The following MARCHF1 variants were observed in gnomAD, a reference collection of about 807,000 sequenced individuals.
MARCHF1 encodes the protein E3 ubiquitin-protein ligase MARCHF1.
Under a neutral mutation model 54.2 loss-of-function variants are expected in MARCHF1, and 40 were observed. The observed-to-expected ratio is 0.74, with a 90% CI of 0.57 to 0.96. The LOEUF (loss-of-function observed/expected upper bound fraction) is 0.96. MARCHF1 is among the 40% of genes least tolerant of loss of function. MARCHF1 has a pLI of 0.00. For missense variants in MARCHF1, 586 were observed against 656.5 expected, an observed-to-expected ratio of 0.89 and a Z score of 1.17; for synonymous variants, 236 against 236.3, an observed-to-expected ratio of 1.00 and a Z score of 0.01.
At chr4:164,209,215 A>C (rs1413075422) in intron 1 of MARCHF1, among the ~76,000 whole-genome samples, 5 of 152,122 alleles carry the variant, frequency 3.3e-5, no homozygotes, top group African/African-American at 4.8e-5. Context: ...TCAATCAAGA[A>C]AAAAATATGA....
chr4:163,636,729 C>G lies in MARCHF1; in HGVS notation c.163-23336G>C, dbSNP rs1329479073. On this transcript the variant is annotated intron_variant, in intron 5 of 9. Transcript: ENST00000514618. Reference sequence around the variant, plus strand: ...CAAGCTACCAATGCCTTTCTTCACACAATTGGAAAAAACTACTTTAAAGTT... The same window carrying G: ...CAAGCTACCAATGCCTTTCTTCACAGAATTGGAAAAAACTACTTTAAAGTT... 2.0e-3 allele frequency among the ~76,000 whole-genome samples: 309 copies of G among 152,002 alleles called. 2 individuals are homozygous for G. Among genetic ancestry groups the G allele is most frequent in the African/African-American group, 6.9e-3 (288 of 41,456 alleles).
chr4:163,892,364 T>C (rs534645649), intron 3 of MARCHF1, among the ~76,000 whole-genome samples: 2 of 152,166 alleles, frequency 1.3e-5, no homozygotes, highest in Non-Finnish European at 2.9e-5. Flanking sequence ...GCTGCTCTGT[T>C]TGAAGCGGAA....
intron 4 of MARCHF1, among the ~76,000 whole-genome samples, chr4:163,710,835 T>C (rs973841400): frequency 6.6e-6 from 1 of 152,188 alleles, no homozygotes; most frequent in Non-Finnish European, 1.5e-5. Flanking sequence ...CAGAAGGTGA[T>C]GATTTTACTT....
chr4:163,915,122 T>TG (rs1356178160), intron 3 of MARCHF1, among the ~76,000 whole-genome samples: 1 of 152,190 alleles, frequency 6.6e-6, no homozygotes, highest in Non-Finnish European at 1.5e-5. Context: ...AACCACCTCT[T>TG]GCTCTTATGT....
intron 4 of MARCHF1, among the ~76,000 whole-genome samples, chr4:163,735,199 CT>C (rs1746000620): frequency 6.6e-6 from 1 of 152,176 alleles, no homozygotes; most frequent in Admixed American, 6.5e-5. Flanking sequence ...TCCTCACACA[CT>C]TAGGACATGT....
rs775211395 is a variant in MARCHF1 at position 163,840,888 on chromosome 4, G to A, written c.111+13133C>T. 3.9e-5 allele frequency among the ~76,000 whole-genome samples: 6 copies of A among 151,928 alleles called. No individual in the cohort carries two copies. In the South Asian group the frequency reaches 1.2e-3, roughly 32 times the overall value. ...ATGTATGTGTATATAAAGACATCACGATATACAACTTAAATGGGCATATAC... is the reference window on the plus strand; with the variant it reads ...ATGTATGTGTATATAAAGACATCACAATATACAACTTAAATGGGCATATAC... On this transcript the variant is annotated intron_variant, in intron 4 of 9. Coordinates refer to ENST00000514618, the MANE Select transcript of MARCHF1 (RefSeq NM_001394959.1).
intron 3 of MARCHF1, among the ~76,000 whole-genome samples, chr4:163,896,367 AT>A (rs942135376): frequency 6.6e-6 from 1 of 152,116 alleles, no homozygotes; most frequent in Non-Finnish European, 1.5e-5. Context: ...TGTACTCAGT[AT>A]TGTGATCTTA....
chr4:164,350,358 G>T (rs1214621517), intron 1 of MARCHF1, among the ~76,000 whole-genome samples: 9 of 152,088 alleles, frequency 5.9e-5, no homozygotes, highest in Non-Finnish European at 1.5e-5. Flanking sequence ...AAGGGTTGGG[G>T]GGAAGGGAGG....
At chr4:163,639,356 G>A (rs1401931382) in intron 5 of MARCHF1, among the ~76,000 whole-genome samples, 1 of 152,110 alleles carries the variant, frequency 6.6e-6, no homozygotes, top group East Asian at 1.9e-4. Context: ...ATTAGAAGAA[G>A]CACATTGCTG....
intron 4 of MARCHF1, among the ~76,000 whole-genome samples, chr4:163,791,468 C>T (rs1747772323): frequency 6.6e-6 from 1 of 152,044 alleles, no homozygotes. Context: ...TTCATATTAA[C>T]CTTGCAAAAT....
chr4:163,836,115 T>C (rs151106237), intron 4 of MARCHF1, among the ~76,000 whole-genome samples: 3 of 152,242 alleles, frequency 2.0e-5, no homozygotes, highest in African/African-American at 7.2e-5. Context: ...ATGCCAAAAA[T>C]TGTCATGGAG....
intron 2 of MARCHF1, among the ~76,000 whole-genome samples, chr4:164,107,369 AT>A (rs1382543326): frequency 6.6e-6 from 1 of 152,070 alleles, no homozygotes; most frequent in Non-Finnish European, 1.5e-5. Context: ...TTCTTTTCTT[AT>A]TAACTTTTAA....
chr4:164,279,299 AT>A (rs1053220624), intron 1 of MARCHF1, among the ~76,000 whole-genome samples: 18 of 151,582 alleles, frequency 1.2e-4, no homozygotes, highest in Non-Finnish European at 2.5e-4. Context: ...AAGTAAATAA[AT>A]TAATATACTA....
chr4:163,661,145 C>T (rs1561004240), intron 5 of MARCHF1, among the ~76,000 whole-genome samples: 1 of 151,900 alleles, frequency 6.6e-6, no homozygotes, highest in Non-Finnish European at 1.5e-5. Flanking sequence ...TTCTGTTCTC[C>T]AAATAAGATT....
chr4:164,098,118 C>T (rs1489267731), intron 2 of MARCHF1, among the ~76,000 whole-genome samples: 1 of 152,120 alleles, frequency 6.6e-6, no homozygotes, highest in African/African-American at 2.4e-5. Flanking sequence ...CATTTCAGCT[C>T]ATGCTTTCAG....
chr4:164,110,123 T>TACACACACACACACACAC (rs70948699), intron 2 of MARCHF1, among the ~76,000 whole-genome samples: 2 of 145,932 alleles, frequency 1.4e-5, no homozygotes, highest in African/African-American at 5.0e-5. Context: ...GAATTGGAGA[T>TACACACACACACACACAC]ACACACACAC....
chr4:163,966,569 A>C (rs1386326109), intron 3 of MARCHF1, among the ~76,000 whole-genome samples: 1 of 152,158 alleles, frequency 6.6e-6, no homozygotes, highest in Admixed American at 6.6e-5. Flanking sequence ...GCAGTCAATA[A>C]ATATTTCTTG....
At chr4:163,889,919 C>CTTTTTTT (rs146357456) in intron 3 of MARCHF1, among the ~76,000 whole-genome samples, 4 of 117,238 alleles carry the variant, frequency 3.4e-5, no homozygotes, top group African/African-American at 9.2e-5. Flanking sequence ...TATTTATTTT[C>CTTTTTTT]TTTTTTCTTT....
chr4:164,357,050 A>G (rs1455874587), intron 1 of MARCHF1, among the ~76,000 whole-genome samples: 1 of 151,852 alleles, frequency 6.6e-6, no homozygotes, highest in Non-Finnish European at 1.5e-5. Context: ...AATCTGTACA[A>G]CAAACCCCCA....
Sources: gnomAD v4.1 joint callset for allele counts (sites outside exome capture counted in the v4.1 genomes callset) on GRCh38, gnomAD v4.1.1 for gene constraint, MANE v1.5 for transcripts, NCBI Gene and HGNC (gene_info 2026-07-23, HGNC 2026-07-21) for gene names.